Variants in MACROD2 observed in about 807,000 individuals in gnomAD.
MACROD2 encodes the protein mono-ADP ribosylhydrolase 2.
A neutral mutation model predicts 70.4 loss-of-function variants in MACROD2; 36 were observed. The ratio of observed to expected loss-of-function variants is 0.51; its 90% CI spans 0.39 to 0.68. The LOEUF is 0.68. Among genes scored for constraint, MACROD2 ranks in the 30% least tolerant of loss-of-function variants. The pLI is 0.00. For missense variants in MACROD2, 496 were observed against 538.4 expected (o/e 0.92, Z 0.78); for synonymous variants, 172 against 178.8 (o/e 0.96, Z 0.30).
intron 15 of MACROD2, among the ~76,000 whole-genome samples, chr20:16,040,812 C>A (rs563537567): frequency 2.4e-4 from 36 of 152,106 alleles, no homozygotes; most frequent in African/African-American, 8.7e-4. Flanking sequence ...AGGCAAAATT[C>A]ATTTTCTCTT....
chr20:14,886,424 G>A (rs973361439), intron 5 of MACROD2, among the ~76,000 whole-genome samples: 31 of 152,138 alleles, frequency 2.0e-4, no homozygotes, highest in African/African-American at 7.2e-4. Flanking sequence ...TTTGGCTTTG[G>A]TCATAAGTAA....
intron 8 of MACROD2, among the ~76,000 whole-genome samples, chr20:15,783,591 G>T (rs1036539096): frequency 6.6e-6 from 1 of 152,072 alleles, no homozygotes; most frequent in African/African-American, 2.4e-5. Context: ...GATGCCTTAG[G>T]TAAGGATACA....
chr20:14,679,904 C>A (rs780613490), intron 4 of MACROD2, among the ~76,000 whole-genome samples: 3 of 152,106 alleles, frequency 2.0e-5, no homozygotes, highest in African/African-American at 7.2e-5. Flanking sequence ...TAAGCAACAA[C>A]AGAAATTGTT....
At chr20:14,591,750 C>T (rs1382167249) in intron 4 of MACROD2, among the ~76,000 whole-genome samples, 1 of 152,198 alleles carries the variant, frequency 6.6e-6, no homozygotes, top group African/African-American at 2.4e-5. Context: ...ATTATCTTCT[C>T]AGGCTAGCTA....
chr20:14,979,475 GAA>G (rs1426742051), intron 5 of MACROD2, among the ~76,000 whole-genome samples: 5 of 152,084 alleles, frequency 3.3e-5, no homozygotes, highest in Non-Finnish European at 7.4e-5. Context: ...CAGCAAGAGA[GAA>G]AGAAATATTC....
chr20:15,536,924 C>T (rs1411130304), intron 8 of MACROD2, among the ~76,000 whole-genome samples: 1 of 152,162 alleles, frequency 6.6e-6, no homozygotes, highest in Non-Finnish European at 1.5e-5. Context: ...AATCTCACTA[C>T]TGCTTGTTCC....
chr20:14,614,016 G>A (rs144234533), intron 4 of MACROD2, among the ~76,000 whole-genome samples: 3 of 152,060 alleles, frequency 2.0e-5, no homozygotes, highest in African/African-American at 4.8e-5. Flanking sequence ...GGAGACCTCC[G>A]ATTTTCTAAT....
intron 5 of MACROD2, among the ~76,000 whole-genome samples, chr20:15,112,104 G>T (rs2075959834): frequency 6.6e-6 from 1 of 152,182 alleles, no homozygotes. Flanking sequence ...GGTGAGAACT[G>T]GGATATGACT....
At chr20:15,317,482 A>AT (rs2077823786) in intron 6 of MACROD2, among the ~76,000 whole-genome samples, 1 of 145,758 alleles carries the variant, frequency 6.9e-6, no homozygotes, top group Non-Finnish European at 1.5e-5. Context: ...CCATCCATCT[A>AT]ATCTATCTAT....
chr20:15,477,021 C>T lies in MACROD2; in HGVS notation c.572-22753C>T, dbSNP rs537893368. Among the ~76,000 whole-genome samples, 37 of 152,042 alleles carry T rather than the reference C, an allele frequency of 2.4e-4. 1 individual carries two copies. In the South Asian group the frequency reaches 7.5e-3, roughly 31 times the overall value. ...TTCTCTATGGCATCTTCTAGATTTC[C>T]GCTTGGACTGATCTCCACTGTATCT... On this transcript the variant is annotated intron_variant, in intron 7 of 17. Transcript: ENST00000684519.
chr20:14,453,714 G>T (rs1246341256), intron 3 of MACROD2, among the ~76,000 whole-genome samples: 4 of 151,866 alleles, frequency 2.6e-5, no homozygotes, highest in South Asian at 4.1e-4. Context: ...AAATTTAAAA[G>T]AAATTACCTA....
chr20:15,353,093 C>T (rs1308550475), intron 6 of MACROD2, among the ~76,000 whole-genome samples: 1 of 152,066 alleles, frequency 6.6e-6, no homozygotes, highest in Non-Finnish European at 1.5e-5. Flanking sequence ...CACTACCTGA[C>T]TTCAAACTAT....
intron 5 of MACROD2, among the ~76,000 whole-genome samples, chr20:14,780,337 C>T (rs1281162909): frequency 6.6e-6 from 1 of 151,990 alleles, no homozygotes; most frequent in African/African-American, 2.4e-5. Flanking sequence ...CCGAGGCAGG[C>T]GGATCACCTG....
intron 8 of MACROD2, among the ~76,000 whole-genome samples, chr20:15,840,062 A>C (rs1398348684): frequency 6.6e-6 from 1 of 152,152 alleles, no homozygotes; most frequent in Non-Finnish European, 1.5e-5. Flanking sequence ...ACCTATGATT[A>C]TTTTATCATT....
At chr20:16,002,759 C>T in intron 15 of MACROD2, among the ~76,000 whole-genome samples, 1 of 152,136 alleles carries the variant, frequency 6.6e-6, no homozygotes, top group Non-Finnish European at 1.5e-5. Context: ...AATCAGTTTG[C>T]ATTGTGTGAA....
At chr20:14,078,893 TTAA>T (rs1242769191) in intron 2 of MACROD2, among the ~76,000 whole-genome samples, 1 of 152,240 alleles carries the variant, frequency 6.6e-6, no homozygotes, top group Admixed American at 6.5e-5. Flanking sequence ...TGGGTAAATA[TTAA>T]TAATAAAACA....
chr20:14,949,826 T>A (rs1281146082), intron 5 of MACROD2, among the ~76,000 whole-genome samples: 1 of 152,172 alleles, frequency 6.6e-6, no homozygotes, highest in Non-Finnish European at 1.5e-5. Context: ...CAGCACTTAA[T>A]GTATCTTATC....
rs76946940 is a variant in MACROD2 at position 14,061,112 on chromosome 20, C to T, written c.164-24509C>T. On this transcript the variant is annotated intron_variant, in intron 2 of 17. Transcript: ENST00000684519. Reference sequence around the variant, plus strand: ...CATAGAAGTATAAACAACATGCACTCTCACACTGAAAAGCATTGCTAAATA... The same window carrying T: ...CATAGAAGTATAAACAACATGCACTTTCACACTGAAAAGCATTGCTAAATA... Among the ~76,000 whole-genome samples the T allele has an allele frequency of 8.3e-3, 1,268 of 152,156 alleles. 13 individuals carry two copies. Among genetic ancestry groups the T allele is most frequent in the African/African-American group, 0.026 (1,061 of 41,532 alleles).
chr20:15,570,909 G>T (rs930155879), intron 8 of MACROD2, among the ~76,000 whole-genome samples: 1 of 152,110 alleles, frequency 6.6e-6, no homozygotes, highest in African/African-American at 2.4e-5. Context: ...AGGAAAAAAA[G>T]GTAGCAGGGG....
Sources: allele counts gnomAD v4.1 joint callset (sites outside exome capture counted in the v4.1 genomes callset), GRCh38; gene constraint gnomAD v4.1.1; transcripts MANE v1.5; gene names NCBI Gene and HGNC (gene_info 2026-07-23, HGNC 2026-07-21).